The following CYP20A1 variants were observed in gnomAD, a reference collection of about 807,000 sequenced individuals.
The protein encoded by CYP20A1 is cytochrome P450 20A1.
In CYP20A1, 61 loss-of-function variants were observed where a neutral mutation model predicts 61.4. The ratio of observed to expected loss-of-function variants is 0.99; its 90% CI spans 0.81 to 1.23. The LOEUF (loss-of-function observed/expected upper bound fraction) is 1.23. Among genes scored for constraint, CYP20A1 ranks in the 50% most tolerant of loss-of-function variants. The probability of loss-of-function intolerance (pLI) is 0.00; values close to 1 mark genes in which losing one functional copy is unlikely to be tolerated. For missense variants in CYP20A1, 530 were observed against 542.4 expected (o/e 0.98, Z 0.23); for synonymous variants, 193 against 188.2 (o/e 1.03, Z -0.21).
chr2:203,249,819 T>G (rs544062054), intron 3 of CYP20A1, among the ~76,000 whole-genome samples: 1 of 152,194 alleles, frequency 6.6e-6, no homozygotes, highest in East Asian at 1.9e-4. Flanking sequence ...CACTCCAACC[T>G]GGATGACAGA....
intron 6 of CYP20A1, among the ~76,000 whole-genome samples, chr2:203,274,133 T>C (rs1315191597): frequency 6.6e-6 from 1 of 152,130 alleles, no homozygotes; most frequent in East Asian, 1.9e-4. Flanking sequence ...TTTTGTTCTG[T>C]ATTCTCTGTC....
chr2:203,287,233 A>G (rs1045950377), intron 9 of CYP20A1, among the ~76,000 whole-genome samples: 1 of 150,328 alleles, frequency 6.7e-6, no homozygotes, highest in African/African-American at 2.4e-5. Flanking sequence ...AAAAAAAAAA[A>G]AAAAAAGAAA....
intron 1 of CYP20A1, among the ~76,000 whole-genome samples, chr2:203,241,420 C>G (rs958756522): frequency 1.3e-5 from 2 of 152,188 alleles, no homozygotes; most frequent in African/African-American, 4.8e-5. Context: ...GCGAGGAGAA[C>G]TGGTTGCTAT....
At chr2:203,252,134 A>G (rs1490762202) in intron 4 of CYP20A1, 25 bp downstream of exon 4, 5 of 1,565,556 alleles carry the variant, frequency 3.2e-6, no homozygotes, top group Non-Finnish European at 4.3e-6. Context: ...AGTTTGGTCT[A>G]GTGTTCTACA....
chr2:203,285,039 C>G (rs552244246), intron 8 of CYP20A1, among the ~76,000 whole-genome samples: 5 of 152,018 alleles, frequency 3.3e-5, no homozygotes, highest in African/African-American at 7.2e-5. Flanking sequence ...GATCCCCTCC[C>G]GAAGTGCTGG....
intron 5 of CYP20A1, among the ~76,000 whole-genome samples, chr2:203,267,337 A>T (rs1427290596): frequency 6.6e-6 from 1 of 151,036 alleles, no homozygotes; most frequent in African/African-American, 2.4e-5. Context: ...GTTTGAGACC[A>T]GCCTGGCCAA....
At position 203,262,728 on chromosome 2, in the gene CYP20A1, G is replaced by C. The variant is rs547463835; in HGVS notation, c.433-3786G>C. 6.6e-5 allele frequency among the ~76,000 whole-genome samples: 10 copies of C among 151,402 alleles called. No individual in the cohort carries two copies. In the South Asian group the frequency reaches 1.7e-3, roughly 25 times the overall value. ...TTTTTTGAGACGGAGTCTTACTCTC[G>C]TCCAGGCTGGAGTGCACTGGCGCGA... On this transcript the variant is annotated intron_variant, in intron 4 of 12. Coordinates refer to ENST00000356079, the MANE Select transcript of CYP20A1 (RefSeq NM_177538.3).
intron 9 of CYP20A1, among the ~76,000 whole-genome samples, chr2:203,288,882 C>A (rs892913650): frequency 6.6e-6 from 1 of 152,130 alleles, no homozygotes; most frequent in East Asian, 1.9e-4. Context: ...ATAATAGTAC[C>A]CATGGGTTTC....
At chr2:203,273,291 G>C (rs889897333) in intron 6 of CYP20A1, among the ~76,000 whole-genome samples, 1 of 152,154 alleles carries the variant, frequency 6.6e-6, no homozygotes, top group Non-Finnish European at 1.5e-5. Flanking sequence ...TACTCTACAG[G>C]ATTAATGGAA....
At chr2:203,271,046 GTA>G (rs1158498030) in intron 5 of CYP20A1, among the ~76,000 whole-genome samples, 10 of 24,056 alleles carry the variant, frequency 4.2e-4, no homozygotes, top group Middle Eastern at 0.031. Flanking sequence ...ATATATATAT[GTA>G]TATGTGTATA....
chr2:203,268,566 A>G (rs1038905201), intron 5 of CYP20A1, among the ~76,000 whole-genome samples: 2 of 151,944 alleles, frequency 1.3e-5, no homozygotes, highest in Admixed American at 1.3e-4. Context: ...CAGACTATAA[A>G]CAGGACTTAT....
intron 9 of CYP20A1, 50 bp downstream of exon 9, chr2:203,285,782 G>A: frequency 6.9e-7 from 1 of 1,459,776 alleles, no homozygotes; most frequent in Non-Finnish European, 9.0e-7. Flanking sequence ...ATTTGAACTG[G>A]TTTATCTAAT....
intron 3 of CYP20A1, among the ~76,000 whole-genome samples, chr2:203,250,488 G>A (rs1399045164): frequency 6.6e-6 from 1 of 151,338 alleles, no homozygotes; most frequent in Admixed American, 6.6e-5. Flanking sequence ...TCAAGATTGT[G>A]CTTTTGTAGA....
At position 203,298,933 on chromosome 2, in the gene CYP20A1, G is replaced by T. The variant is rs1314833901; in HGVS notation, c.*2025G>T. On this transcript the variant is annotated 3_prime_UTR_variant, in exon 13 of 13. Transcript: ENST00000356079. ...GCCTGTAGTCTCAGCTACTTGGGAG[G>T]CTGAGGCAGGAGAATCGCTTGAACC... is the stretch of plus-strand genomic sequence containing the variant. Among the ~76,000 whole-genome samples, 1 of 151,982 alleles carries T rather than the reference G, an allele frequency of 6.6e-6. No individual in the cohort carries two copies. The highest frequency in any genetic ancestry group is 2.4e-5 in the African/African-American group (1 of 41,374).
intron 3 of CYP20A1, among the ~76,000 whole-genome samples, chr2:203,250,846 C>T (rs1465045215): frequency 6.6e-6 from 1 of 151,856 alleles, no homozygotes. Context: ...GGGCGGATCA[C>T]GAGGTCAGGA....
rs2069138171 is a variant in CYP20A1, at chr2:203,304,275, A to G, written c.*7367A>G. Reference sequence around the variant, plus strand: ...TGCAGTGGCATGATCTGGGCTCACTACAACCTCCATCTCCCCAGTTCAAGC... The same window carrying G: ...TGCAGTGGCATGATCTGGGCTCACTGCAACCTCCATCTCCCCAGTTCAAGC... On this transcript the variant is annotated 3_prime_UTR_variant, in exon 13 of 13. Coordinates refer to ENST00000356079, the MANE Select transcript of CYP20A1 (RefSeq NM_177538.3). Among the ~76,000 whole-genome samples the G allele has an allele frequency of 1.3e-5, 2 of 152,088 alleles. No homozygotes were observed. The highest frequency in any genetic ancestry group is 4.1e-4 in the South Asian group (2 of 4,826).
At chr2:203,274,686 C>T (rs1457390294) in intron 6 of CYP20A1, among the ~76,000 whole-genome samples, 2 of 151,804 alleles carry the variant, frequency 1.3e-5, no homozygotes, top group Non-Finnish European at 2.9e-5. Context: ...ACAAAAATCC[C>T]TGTCCTCATT....
intron 1 of CYP20A1, among the ~76,000 whole-genome samples, chr2:203,240,508 A>G (rs986431789): frequency 6.6e-6 from 1 of 152,222 alleles, no homozygotes; most frequent in Non-Finnish European, 1.5e-5. Flanking sequence ...CAATAGAAAC[A>G]AATAACATAG....
At chr2:203,279,449 G>T (rs2067957207) in intron 7 of CYP20A1, among the ~76,000 whole-genome samples, 1 of 152,176 alleles carries the variant, frequency 6.6e-6, no homozygotes, top group Admixed American at 6.5e-5. Flanking sequence ...GCTTGACCAG[G>T]TGTGGCAGTG....
Sources: gnomAD v4.1 joint callset for allele counts (sites outside exome capture counted in the v4.1 genomes callset) on GRCh38, gnomAD v4.1.1 for gene constraint, MANE v1.5 for transcripts, NCBI Gene and HGNC (gene_info 2026-07-23, HGNC 2026-07-21) for gene names.